The following VAMP7 variants were observed in gnomAD, a reference collection of about 807,000 sequenced individuals.
VAMP7 encodes the protein vesicle associated membrane protein 7, also known as vesicle-associated membrane protein 7.
In VAMP7, 14 loss-of-function variants were observed where a neutral mutation model predicts 29.6. The ratio of observed to expected loss-of-function variants is 0.47; its 90% CI spans 0.31 to 0.74. VAMP7 has a LOEUF of 0.74. Among genes scored for constraint, VAMP7 ranks in the 30% least tolerant of loss-of-function variants. The pLI, the probability that VAMP7 is intolerant of heterozygous loss-of-function variation, is 0.05. For missense variants in VAMP7, 223 were observed against 262.4 expected, an observed-to-expected ratio of 0.85 and a Z score of 1.04; for synonymous variants, 95 against 88.1, an observed-to-expected ratio of 1.08 and a Z score of -0.44.
chrX:155,913,919 T>C (rs775829980), intron 5 of VAMP7, among the ~76,000 whole-genome samples: 1 of 152,270 alleles, frequency 6.6e-6, no homozygotes, highest in East Asian at 1.9e-4. Flanking sequence ...AGAAAGTCAA[T>C]GGTAGCTGGA....
intron 6 of VAMP7, among the ~76,000 whole-genome samples, chrX:155,921,758 A>T (rs1295423728): frequency 6.6e-6 from 1 of 151,982 alleles, no homozygotes; most frequent in Admixed American, 6.6e-5. Context: ...TTCCAACTAT[A>T]TTCTTGTTGT....
chrX:155,895,296 T>A (rs2065972703), intron 2 of VAMP7, among the ~76,000 whole-genome samples: 1 of 152,206 alleles, frequency 6.6e-6, no homozygotes, highest in Non-Finnish European at 1.5e-5. Flanking sequence ...TGGGGGTTAA[T>A]CTTAATTACA....
At chrX:155,883,780 G>GGCTCACTGCAACCTCC (rs925493476) in intron 1 of VAMP7, among the ~76,000 whole-genome samples, 6 of 147,318 alleles carry the variant, frequency 4.1e-5, no homozygotes, top group Admixed American at 1.4e-4. Context: ...GCGCGATCTC[G>GGCTCACTGCAACCTCC]GCTCACTGCA....
Position 155,895,689 on chromosome X carries a change from C to G in VAMP7, c.204+9C>G. On this transcript the variant is annotated intron_variant, in intron 3 of 7. Coordinates refer to ENST00000286448, the MANE Select transcript of VAMP7 (RefSeq NM_005638.6). ...TTTGTATCACTGATGATGTAAGTAACTTGAAGACATATTGCTATTTAACTA... is the reference window on the plus strand; with the variant it reads ...TTTGTATCACTGATGATGTAAGTAAGTTGAAGACATATTGCTATTTAACTA... The G allele has an allele frequency of 6.2e-7, 1 of 1,604,904 alleles. No homozygotes were observed. The highest frequency in any genetic ancestry group is 8.5e-7 in the Non-Finnish European group (1 of 1,172,044).
At chrX:155,901,358 TC>T (rs59254309) in intron 5 of VAMP7, among the ~76,000 whole-genome samples, 4,529 of 152,022 alleles carry the variant, frequency 0.03, 237 homozygotes, top group African/African-American at 0.1. Context: ...TTATTTTTAT[TC>T]TTTTTTTTGT....
At chrX:155,931,359 C>T (rs776959958) in intron 6 of VAMP7, among the ~76,000 whole-genome samples, 12 of 152,276 alleles carry the variant, frequency 7.9e-5, no homozygotes, top group Admixed American at 7.8e-4. Context: ...TCTCCACATC[C>T]TCTCCAGCAC....
chrX:155,909,406 T>C (rs969388691), intron 5 of VAMP7, among the ~76,000 whole-genome samples: 1 of 152,194 alleles, frequency 6.6e-6, no homozygotes, highest in Non-Finnish European at 1.5e-5. Context: ...GTCAATTTTA[T>C]TGATCTTTCT....
At chrX:155,912,363 C>T (rs746584408) in intron 5 of VAMP7, among the ~76,000 whole-genome samples, 134 of 152,010 alleles carry the variant, frequency 8.8e-4, no homozygotes, top group African/African-American at 3.0e-3. Context: ...CACATTTGCT[C>T]TTTTTTTATT....
Position 155,942,628 on chromosome X carries a change from T to G in VAMP7, c.*677T>G, listed in dbSNP as rs1457380602. 1 of 156,398 alleles carries G rather than the reference T, an allele frequency of 6.4e-6. No individual in the cohort carries two copies. Among genetic ancestry groups the G allele is most frequent in the East Asian group, 1.9e-4 (1 of 5,300 alleles). 9.7% of individuals were successfully genotyped at this position (156,398 alleles called of 1,614,324 possible). A position where few individuals can be genotyped will look rare whatever the true frequency, so the allele number is the denominator to read the frequency against. Reference sequence around the variant, plus strand: ...ACAATACAGTGGATAGCTTGATATCTTCTGTTTTCCCATTGCAGTTGATTT... The same window carrying G: ...ACAATACAGTGGATAGCTTGATATCGTCTGTTTTCCCATTGCAGTTGATTT... On this transcript the variant is annotated 3_prime_UTR_variant, in exon 8 of 8. Coordinates refer to ENST00000286448, the MANE Select transcript of VAMP7 (RefSeq NM_005638.6).
chrX:155,896,319 T>C (rs2065986802), intron 3 of VAMP7, among the ~76,000 whole-genome samples: 1 of 152,136 alleles, frequency 6.6e-6, no homozygotes, highest in Non-Finnish European at 1.5e-5. Flanking sequence ...TCAAAACCTC[T>C]CAAAAATTGT....
chrX:155,897,646 A>C (rs1390785992), intron 3 of VAMP7, among the ~76,000 whole-genome samples: 1 of 152,156 alleles, frequency 6.6e-6, no homozygotes, highest in African/African-American at 2.4e-5. Flanking sequence ...TGAGTATGTC[A>C]CTTGATCTTT....
chrX:155,938,387 G>A (rs1448613460), intron 6 of VAMP7, among the ~76,000 whole-genome samples: 1 of 152,196 alleles, frequency 6.6e-6, no homozygotes, highest in Non-Finnish European at 1.5e-5. Context: ...CTACTGCAGA[G>A]ACTTTGTGGA....
rs1024157305 is a variant in VAMP7 at position 155,890,017 on chromosome X, C to T, written c.146+405C>T. On this transcript the variant is annotated intron_variant, in intron 2 of 7. Coordinates refer to ENST00000286448, the MANE Select transcript of VAMP7 (RefSeq NM_005638.6). Reference sequence around the variant, plus strand: ...TAACAAGATATGTGGTATTTGCCCTCATAAGGGTTATAGTTTAATGAGGGA... The same window carrying T: ...TAACAAGATATGTGGTATTTGCCCTTATAAGGGTTATAGTTTAATGAGGGA... 1.5e-4 allele frequency among the ~76,000 whole-genome samples: 23 copies of T among 152,026 alleles called. No individual in the cohort carries two copies. The South Asian group carries it at 4.6e-3, about 30-fold the overall frequency.
intron 1 of VAMP7, among the ~76,000 whole-genome samples, chrX:155,885,939 C>T (rs746421289): frequency 1.3e-5 from 2 of 152,260 alleles, no homozygotes; most frequent in Non-Finnish European, 2.9e-5. Flanking sequence ...TACTTTATTA[C>T]TGCAGCTACA....
At chrX:155,886,485 C>T (rs1465259815) in intron 1 of VAMP7, among the ~76,000 whole-genome samples, 3 of 152,180 alleles carry the variant, frequency 2.0e-5, no homozygotes, top group Non-Finnish European at 2.9e-5. Flanking sequence ...AACTTATATT[C>T]ATTGTTCCTA....
intron 6 of VAMP7, among the ~76,000 whole-genome samples, chrX:155,936,185 C>T (rs1263616233): frequency 6.6e-6 from 1 of 152,130 alleles, no homozygotes; most frequent in Non-Finnish European, 1.5e-5. Flanking sequence ...GTTCTCAGAT[C>T]TCAAACTCTG....
intron 5 of VAMP7, among the ~76,000 whole-genome samples, chrX:155,912,483 T>C (rs368666836): frequency 4.0e-4 from 61 of 152,182 alleles, no homozygotes; most frequent in African/African-American, 1.4e-3. Context: ...CTACATTAGG[T>C]ATTTCTCCTA....
At chrX:155,892,790 T>C (rs2065940807) in intron 2 of VAMP7, among the ~76,000 whole-genome samples, 1 of 151,918 alleles carries the variant, frequency 6.6e-6, no homozygotes, top group South Asian at 2.1e-4. Flanking sequence ...TTCGCTTTTG[T>C]TGCCCAGGCT....
At chrX:155,926,836 G>A (rs766573680) in intron 6 of VAMP7, among the ~76,000 whole-genome samples, 168 of 152,246 alleles carry the variant, frequency 1.1e-3, no homozygotes, top group Non-Finnish European at 1.9e-3. Flanking sequence ...AGATGCCATT[G>A]TAAGGTTATT....
Sources: gnomAD v4.1 joint callset for allele counts (sites outside exome capture counted in the v4.1 genomes callset) on GRCh38, gnomAD v4.1.1 for gene constraint, MANE v1.5 for transcripts, NCBI Gene and HGNC (gene_info 2026-07-23, HGNC 2026-07-21) for gene names.